GPR39: variants seen among roughly 807,000 people sequenced by gnomAD.
GPR39 encodes G protein-coupled receptor 39, also known as zinc sensing receptor.
GPR39 carries 23 observed loss-of-function variants against 18.4 expected under a neutral mutation model. That is an observed-to-expected ratio of 1.25 (90% CI 0.90 to 1.77). The LOEUF (loss-of-function observed/expected upper bound fraction) is 1.77. Among genes scored for constraint, GPR39 ranks in the 40% most tolerant of loss-of-function variants. GPR39 has a pLI of 0.00. For missense variants in GPR39, 647 were observed against 602.4 expected (o/e 1.07, Z -0.78); for synonymous variants, 280 against 257.9 (o/e 1.09, Z -0.82).
chr2:132,504,672 G>A (rs535485217), intron 1 of GPR39, among the ~76,000 whole-genome samples: 4 of 152,124 alleles, frequency 2.6e-5, no homozygotes, highest in Non-Finnish European at 5.9e-5. Flanking sequence ...GGCATTTTGT[G>A]TGGCATATTT....
chr2:132,601,349 G>A (rs983282623), intron 1 of GPR39, among the ~76,000 whole-genome samples: 2 of 152,094 alleles, frequency 1.3e-5, no homozygotes, highest in African/African-American at 4.8e-5. Flanking sequence ...TCAAGAGAAT[G>A]AAGGATAAAA....
chr2:132,486,199 T>A (rs1011697043), intron 1 of GPR39, among the ~76,000 whole-genome samples: 1 of 152,214 alleles, frequency 6.6e-6, no homozygotes, highest in Non-Finnish European at 1.5e-5. Context: ...TAAACCATGC[T>A]ATAAACAGAT....
rs756479571 is a variant in GPR39 at position 132,646,204 on chromosome 2, G to A, written c.*598G>A. On this transcript the variant is annotated 3_prime_UTR_variant, in exon 2 of 2. Coordinates refer to ENST00000329321, the MANE Select transcript of GPR39 (RefSeq NM_001508.3). ...TGCAAACTGAGTTCAGTTTCCCTGG[G>A]GAGCAGAAGGACTGGTACCCGGCAG... 19 of 1,606,838 alleles carry A rather than the reference G, an allele frequency of 1.2e-5. No homozygotes were observed. The African/African-American group carries it at 1.7e-4, about 15-fold the overall frequency.
chr2:132,496,779 G>T (rs974113209), intron 1 of GPR39, among the ~76,000 whole-genome samples: 1 of 152,124 alleles, frequency 6.6e-6, no homozygotes, highest in African/African-American at 2.4e-5. Flanking sequence ...TCCTGGAATC[G>T]CAGCAATATG....
intron 1 of GPR39, among the ~76,000 whole-genome samples, chr2:132,442,263 A>G (rs1680453436): frequency 6.6e-6 from 1 of 152,192 alleles, no homozygotes; most frequent in African/African-American, 2.4e-5. Flanking sequence ...GTGGTGACTG[A>G]TCACTCCCTT....
chr2:132,549,786 C>CA lies in GPR39; in HGVS notation c.857-95305dup, dbSNP rs929062314. Among the ~76,000 whole-genome samples, 105 of 147,262 alleles carry CA rather than the reference C, an allele frequency of 7.1e-4. 1 individual carries two copies. In the Middle Eastern group the frequency reaches 0.014, roughly 20 times the overall value. On this transcript the variant is annotated intron_variant, in intron 1 of 1. Transcript: ENST00000329321. Reference sequence around the variant, plus strand: ...CCGGTGACAGAGCACGACTCCGTCTCAAAAAAAAAAGAGCTTCAGATGACT... The same window carrying CA: ...CCGGTGACAGAGCACGACTCCGTCTCAAAAAAAAAAAGAGCTTCAGATGACT...
chr2:132,499,468 A>G (rs918925945), intron 1 of GPR39, among the ~76,000 whole-genome samples: 3 of 151,854 alleles, frequency 2.0e-5, no homozygotes, highest in Non-Finnish European at 4.4e-5. Context: ...TATAGTGTGA[A>G]GTTGGGGGGT....
intron 1 of GPR39, among the ~76,000 whole-genome samples, chr2:132,489,280 C>G (rs189189276): frequency 6.6e-6 from 1 of 152,226 alleles, no homozygotes; most frequent in African/African-American, 2.4e-5. Context: ...ATGACCTTTT[C>G]CCCATTGGCA....
chr2:132,616,462 C>T (rs1321839418), intron 1 of GPR39, among the ~76,000 whole-genome samples: 1 of 152,154 alleles, frequency 6.6e-6, no homozygotes, highest in Non-Finnish European at 1.5e-5. Flanking sequence ...GAAGCCTGAG[C>T]CTGTAGGGGC....
chr2:132,501,066 T>TC (rs1290629528), intron 1 of GPR39, among the ~76,000 whole-genome samples: 20 of 149,820 alleles, frequency 1.3e-4, no homozygotes, highest in African/African-American at 4.9e-4. Context: ...TTTTTTTTTT[T>TC]TTTTTTTGGT....
intron 1 of GPR39, among the ~76,000 whole-genome samples, chr2:132,510,699 T>A (rs1203186576): frequency 2.6e-5 from 4 of 152,312 alleles, no homozygotes; most frequent in African/African-American, 9.6e-5. Flanking sequence ...TTTTTGTTCA[T>A]GGTTCTATTT....
chr2:132,417,872 C>G lies in GPR39; in HGVS notation c.830C>G (p.Ala277Gly). The G allele has an allele frequency of 8.1e-6, 13 of 1,597,138 alleles. No individual in the cohort carries two copies. The highest frequency in any genetic ancestry group is 1.1e-5 in the Non-Finnish European group (13 of 1,173,254). The change falls in exon 1 of 2, where the codon GCC (alanine) becomes GGC (glycine). Residue 277 changes from alanine (A) to glycine (G), a missense_variant. Physicochemically the swap from Ala to Gly is moderately conservative, Grantham distance 60. Around this residue, in one of 3 missense-constraint regions of GPR39, gnomAD observed 581 missense variants for 506.8 expected, o/e 1.15. Coordinates refer to ENST00000329321, the MANE Select transcript of GPR39 (RefSeq NM_001508.3). ...RKSESEESRT[A>G]RRQTIIFLRL... ...TCCGAGAGCGAAGAGAGCAGGACCG[C>G]CAGGAGGCAGACCATCATCTTCCTG...
At chr2:132,631,012 T>C (rs922397702) in intron 1 of GPR39, among the ~76,000 whole-genome samples, 2 of 152,160 alleles carry the variant, frequency 1.3e-5, no homozygotes, top group Admixed American at 6.5e-5. Flanking sequence ...TGTCTACTGA[T>C]GCTGGTGACA....
At chr2:132,550,153 CAG>C (rs1352847597) in intron 1 of GPR39, among the ~76,000 whole-genome samples, 2 of 152,276 alleles carry the variant, frequency 1.3e-5, no homozygotes, top group South Asian at 4.2e-4. Context: ...AATAGCATAA[CAG>C]AGTTAAGTAC....
intron 1 of GPR39, among the ~76,000 whole-genome samples, chr2:132,559,035 A>G (rs534363176): frequency 2.3e-4 from 35 of 152,354 alleles, no homozygotes; most frequent in African/African-American, 8.2e-4. Flanking sequence ...ATTATGAAAA[A>G]GGTCATAGAT....
At chr2:132,492,466 C>T (rs1210409923) in intron 1 of GPR39, among the ~76,000 whole-genome samples, 1 of 136,688 alleles carries the variant, frequency 7.3e-6, no homozygotes, top group African/African-American at 2.7e-5. Flanking sequence ...ACCATATATA[C>T]CATATATATA....
chr2:132,642,853 C>T (rs1043627358), intron 1 of GPR39, among the ~76,000 whole-genome samples: 10 of 149,538 alleles, frequency 6.7e-5, no homozygotes, highest in Non-Finnish European at 1.5e-4. Context: ...TGTACATGTT[C>T]TCTGAAATTC....
At chr2:132,532,540 C>A (rs3109158) in intron 1 of GPR39, among the ~76,000 whole-genome samples, 81,335 of 151,598 alleles carry the variant, frequency 0.54, 22,853 homozygotes, top group East Asian at 0.9. Context: ...GAGACACAAC[C>A]AAAAAAGAGA....
chr2:132,478,912 A>G (rs1420981364), intron 1 of GPR39, among the ~76,000 whole-genome samples: 2 of 151,206 alleles, frequency 1.3e-5, no homozygotes, highest in African/African-American at 4.9e-5. Flanking sequence ...CAGTTACTAG[A>G]TGTGAGCTCT....
Sources: allele counts gnomAD v4.1 joint callset (sites outside exome capture counted in the v4.1 genomes callset), GRCh38; gene constraint gnomAD v4.1.1; regional missense constraint gnomAD v4.1.1; transcripts MANE v1.5; gene names NCBI Gene and HGNC (gene_info 2026-07-23, HGNC 2026-07-21).